Variants in GMDS observed in about 807,000 individuals in gnomAD.
GMDS encodes the protein GDP-mannose 4,6 dehydratase.
Under a neutral mutation model 49.9 loss-of-function variants are expected in GMDS, and 20 were observed. That is an observed-to-expected ratio of 0.40 (90% CI 0.28 to 0.58). The LOEUF is 0.58. GMDS is among the 20% of genes least tolerant of loss of function. GMDS has a pLI of 0.42. For synonymous variants in GMDS, 177 were observed against 178.6 expected (o/e 0.99, Z 0.07); for missense variants, 362 against 481.4 (o/e 0.75, Z 2.32).
In GMDS at chr6:2,175,845, G is replaced by A. The variant is rs907960568; in HGVS notation, c.103-51114C>T. 11 of 720,698 alleles carry A rather than the reference G, an allele frequency of 1.5e-5. 1 individual carries two copies. Among genetic ancestry groups the A allele is most frequent in the South Asian group, 7.4e-5 (5 of 67,190 alleles). The allele number at this position is 720,698 out of a possible 1,614,324, so 44.6% of individuals were successfully genotyped here. ...GTAAGCACCTTATGCATGAACCCAC[G>A]TAAGTTCATGAACCCACATAAACAG... On this transcript the variant is annotated intron_variant, in intron 1 of 10. Transcript: ENST00000380815.
intron 9 of GMDS, among the ~76,000 whole-genome samples, chr6:1,692,038 C>T (rs1329530658): frequency 6.6e-6 from 1 of 152,190 alleles, no homozygotes; most frequent in Non-Finnish European, 1.5e-5. Flanking sequence ...ATCTAATCAG[C>T]TGCCAGTGTA....
At chr6:1,931,449 C>G (rs1438135298) in intron 6 of GMDS, among the ~76,000 whole-genome samples, 2 of 152,112 alleles carry the variant, frequency 1.3e-5, no homozygotes, top group African/African-American at 2.4e-5. Flanking sequence ...ATGGGACTAC[C>G]GTGGAAATCC....
chr6:1,678,552 A>C (rs915366540), intron 9 of GMDS, among the ~76,000 whole-genome samples: 5 of 152,016 alleles, frequency 3.3e-5, no homozygotes, highest in Non-Finnish European at 7.4e-5. Context: ...GTTGGGCTGG[A>C]ATCAGAAGTG....
intron 7 of GMDS, among the ~76,000 whole-genome samples, chr6:1,918,338 T>C (rs4463305): frequency 0.11 from 16,402 of 152,256 alleles, 943 homozygotes; most frequent in South Asian, 0.18. Flanking sequence ...CCATGGGTAC[T>C]TGGTCTTATA....
chr6:1,930,415 A>C, intron 6 of GMDS, 185 bp from the exon 7 acceptor site: 1 of 513,372 alleles, frequency 1.9e-6, no homozygotes, highest in South Asian at 3.3e-5. Flanking sequence ...CAAGTTAAGA[A>C]GCCCTAATTC....
At chr6:1,715,879 A>G (rs1766157253) in intron 9 of GMDS, among the ~76,000 whole-genome samples, 1 of 152,252 alleles carries the variant, frequency 6.6e-6, no homozygotes, top group Admixed American at 6.5e-5. Context: ...TCAGAAACAA[A>G]TACGTCTTAT....
At chr6:2,090,410 A>C (rs971890536) in intron 4 of GMDS, among the ~76,000 whole-genome samples, 11 of 152,238 alleles carry the variant, frequency 7.2e-5, no homozygotes, top group African/African-American at 2.7e-4. Flanking sequence ...AAACACATTT[A>C]TACACCACTA....
intron 7 of GMDS, among the ~76,000 whole-genome samples, chr6:1,886,407 T>A (rs1295696782): frequency 5.9e-5 from 9 of 152,202 alleles, no homozygotes; most frequent in African/African-American, 2.2e-4. Flanking sequence ...AGAGACCCAG[T>A]TGTTGTGAAT....
rs140811206 is a variant in GMDS at position 1,753,196 on chromosome 6, G to A, written c.772-10610C>T. On this transcript the variant is annotated intron_variant, in intron 7 of 10. Coordinates refer to ENST00000380815, the MANE Select transcript of GMDS (RefSeq NM_001500.4). ...AATAAAGGGATGGAGGAATATTTAC[G>A]AAGCAAATGGAAAGCAAAAAAGAAA... Among the ~76,000 whole-genome samples the A allele has an allele frequency of 4.7e-3, 713 of 152,036 alleles. 8 individuals carry two copies. The highest frequency in any genetic ancestry group is 0.016 in the African/African-American group (676 of 41,474).
intron 1 of GMDS, among the ~76,000 whole-genome samples, chr6:2,171,320 A>G (rs1173736324): frequency 6.6e-6 from 1 of 152,176 alleles, no homozygotes; most frequent in Non-Finnish European, 1.5e-5. Flanking sequence ...TTTGTTTAAC[A>G]TTTTCTTGGC....
intron 7 of GMDS, among the ~76,000 whole-genome samples, chr6:1,744,240 T>C (rs779516958): frequency 9.2e-5 from 14 of 152,188 alleles, no homozygotes; most frequent in Non-Finnish European, 1.8e-4. Context: ...GAAGACAAGA[T>C]TTTGGTCTAT....
chr6:2,052,906 C>T (rs1770522950), intron 4 of GMDS, among the ~76,000 whole-genome samples: 1 of 152,200 alleles, frequency 6.6e-6, no homozygotes, highest in Admixed American at 6.5e-5. Flanking sequence ...ACTAACACTG[C>T]TGACCTAGAC....
chr6:2,220,178 C>A (rs1780519413), intron 1 of GMDS, among the ~76,000 whole-genome samples: 1 of 152,210 alleles, frequency 6.6e-6, no homozygotes, highest in African/African-American at 2.4e-5. Flanking sequence ...AAAAGCCATC[C>A]AGCAGAACGC....
intron 6 of GMDS, chr6:1,930,919 C>T (rs186139184): frequency 8.5e-5 from 13 of 152,238 alleles, no homozygotes; most frequent in Admixed American, 5.2e-4. Context: ...ACAGAAAGGG[C>T]TCCTAAATTT....
chr6:2,054,179 G>A (rs754490306), intron 4 of GMDS, among the ~76,000 whole-genome samples: 5 of 152,108 alleles, frequency 3.3e-5, no homozygotes, highest in African/African-American at 1.2e-4. Context: ...AACCTTTATA[G>A]ATGTCTTCTT....
intron 9 of GMDS, among the ~76,000 whole-genome samples, chr6:1,663,496 T>A (rs911985467): frequency 6.6e-6 from 1 of 152,226 alleles, no homozygotes; most frequent in Non-Finnish European, 1.5e-5. Context: ...TCCTTGCCCC[T>A]GCGGAATTTT....
intron 9 of GMDS, among the ~76,000 whole-genome samples, chr6:1,689,892 A>C (rs1374222658): frequency 4.5e-5 from 5 of 109,992 alleles, no homozygotes; most frequent in Non-Finnish European, 7.4e-5. Context: ...AGCATAGAAA[A>C]CAAGTTGAAA....
chr6:1,752,928 A>C (rs1171660228), intron 7 of GMDS, among the ~76,000 whole-genome samples: 1 of 152,230 alleles, frequency 6.6e-6, no homozygotes, highest in Non-Finnish European at 1.5e-5. Flanking sequence ...CACTGCAAAA[A>C]CATGCCAAAT....
At chr6:1,652,398 AT>A (rs1473491196) in intron 9 of GMDS, among the ~76,000 whole-genome samples, 3 of 5,318 alleles carry the variant, frequency 5.6e-4, no homozygotes, top group African/African-American at 1.5e-3. Flanking sequence ...TATATTATAT[AT>A]ATATATATAT....
Sources: gnomAD v4.1 joint callset for allele counts (sites outside exome capture counted in the v4.1 genomes callset) on GRCh38, gnomAD v4.1.1 for gene constraint, MANE v1.5 for transcripts, NCBI Gene and HGNC (gene_info 2026-07-23, HGNC 2026-07-21) for gene names.